LARGE1: variants seen among roughly 807,000 people sequenced by gnomAD.
LARGE1 encodes xylosyl- and glucuronyltransferase LARGE1.
A neutral mutation model predicts 87.6 loss-of-function variants in LARGE1; 43 were observed. That is an observed-to-expected ratio of 0.49 (90% confidence interval 0.38 to 0.63). The LOEUF is 0.63. Ranked by LOEUF, LARGE1 falls within the 30% of genes least tolerant of loss-of-function variation. The probability of loss-of-function intolerance (pLI) is 0.00; values close to 1 mark genes in which losing one functional copy is unlikely to be tolerated. For synonymous variants in LARGE1, 434 were observed against 394.6 expected (o/e 1.10, Z -1.18); for missense variants, 802 against 1,000.2 (o/e 0.80, Z 2.67).
At chr22:33,217,390 A>G (rs1015419602) in intron 11 of LARGE1, among the ~76,000 whole-genome samples, 2 of 152,166 alleles carry the variant, frequency 1.3e-5, no homozygotes, top group African/African-American at 4.8e-5. Context: ...TGTATTACCA[A>G]GCCCTCCAGG....
At chr22:33,863,458 T>C (rs2063991665) in intron 1 of LARGE1, among the ~76,000 whole-genome samples, 1 of 152,072 alleles carries the variant, frequency 6.6e-6, no homozygotes, top group Non-Finnish European at 1.5e-5. Context: ...AGGTAAACTT[T>C]ATTAGAAATA....
intron 11 of LARGE1, among the ~76,000 whole-genome samples, chr22:33,260,901 C>T (rs1927590350): frequency 6.6e-6 from 1 of 152,186 alleles, no homozygotes; most frequent in South Asian, 2.1e-4. Flanking sequence ...CTCTCTCTTG[C>T]TGATGGCTCA....
At chr22:33,735,802 C>T (rs995918874) in intron 2 of LARGE1, among the ~76,000 whole-genome samples, 1 of 152,196 alleles carries the variant, frequency 6.6e-6, no homozygotes, top group Non-Finnish European at 1.5e-5. Context: ...ATATTCCCGC[C>T]TTCCTCAAAC....
At chr22:33,368,425 T>C (rs2064675355) in intron 9 of LARGE1, among the ~76,000 whole-genome samples, 1 of 151,612 alleles carries the variant, frequency 6.6e-6, no homozygotes, top group African/African-American at 2.4e-5. Context: ...TCCTAGCTAC[T>C]TGCGAGGCTG....
At chr22:33,699,062 C>T (rs1033559417) in intron 2 of LARGE1, among the ~76,000 whole-genome samples, 1 of 152,200 alleles carries the variant, frequency 6.6e-6, no homozygotes, top group Admixed American at 6.5e-5. Context: ...GCTGACCTCC[C>T]AAAGCTGACC....
chr22:33,720,503 C>T (rs1412835324), intron 2 of LARGE1, among the ~76,000 whole-genome samples: 1 of 152,162 alleles, frequency 6.6e-6, no homozygotes, highest in Non-Finnish European at 1.5e-5. Flanking sequence ...ATTTATATAA[C>T]AACAAAATTG....
At chr22:33,484,134 T>C (rs975293534) in intron 6 of LARGE1, among the ~76,000 whole-genome samples, 15 of 152,216 alleles carry the variant, frequency 9.9e-5, no homozygotes, top group Admixed American at 9.8e-4. Context: ...AACAGACACC[T>C]TGGGGAAGAG....
At chr22:33,823,581 T>A (rs1322961337) in intron 1 of LARGE1, among the ~76,000 whole-genome samples, 1 of 152,128 alleles carries the variant, frequency 6.6e-6, no homozygotes, top group Non-Finnish European at 1.5e-5. Flanking sequence ...CTCAGATAGG[T>A]CCGACGACAT....
At chr22:33,487,593 G>C (rs1158795685) in intron 6 of LARGE1, among the ~76,000 whole-genome samples, 4 of 152,204 alleles carry the variant, frequency 2.6e-5, no homozygotes, top group Non-Finnish European at 5.9e-5. Flanking sequence ...CGCAGGGTCA[G>C]TAGACTTACT....
Position 33,761,471 on chromosome 22 carries a change from C to T in LARGE1, c.6G>A (p.Leu2=), listed in dbSNP as rs2084727321. The part of the protein sequence containing the change: M[L]GICRGRRKFL... ...ATTTCCGTCTCCCCCTGCAGATTCC[C>T]AGCATCCTCTCAGAAGTGGCAATCC... The change falls in exon 2 of 15, where the codon CTG becomes CTA. Residue 2 remains leucine (L), a synonymous_variant. Coordinates refer to ENST00000397394, the MANE Select transcript of LARGE1 (RefSeq NM_133642.5). 1.2e-6 allele frequency: 2 copies of T among 1,613,622 alleles called. No homozygotes were observed. Among genetic ancestry groups the T allele is most frequent in the Non-Finnish European group, 1.7e-6 (2 of 1,179,628 alleles).
intron 5 of LARGE1, among the ~76,000 whole-genome samples, chr22:33,603,090 G>T (rs80219863): frequency 0.083 from 2 of 24 alleles, no homozygotes; most frequent in Admixed American, 0.33. Flanking sequence ...AGAATAGATT[G>T]GGAATGGCAC....
chr22:33,732,539 G>A (rs368228413), intron 2 of LARGE1: 10 of 152,384 alleles, frequency 6.6e-5, no homozygotes, highest in African/African-American at 2.4e-4. Context: ...AGAATATGAG[G>A]CCTCCTCTCC....
intron 2 of LARGE1, among the ~76,000 whole-genome samples, chr22:33,754,537 C>T (rs573232025): frequency 8.6e-5 from 13 of 151,984 alleles, no homozygotes; most frequent in Admixed American, 5.2e-4. Flanking sequence ...GGGGTTTCAC[C>T]GTATTCGCCA....
chr22:33,831,160 C>T (rs1326615362), intron 1 of LARGE1, among the ~76,000 whole-genome samples: 2 of 147,888 alleles, frequency 1.4e-5, no homozygotes, highest in East Asian at 2.0e-4. Context: ...TGCAGTGGCA[C>T]GATCTCGGTT....
chr22:33,810,462 T>A (rs953852501), intron 1 of LARGE1, among the ~76,000 whole-genome samples: 1 of 152,192 alleles, frequency 6.6e-6, no homozygotes, highest in Non-Finnish European at 1.5e-5. Flanking sequence ...TTCACAAATA[T>A]CAGCTCTTCA....
At chr22:33,802,277 G>A (rs1384624944) in intron 1 of LARGE1, among the ~76,000 whole-genome samples, 1 of 152,208 alleles carries the variant, frequency 6.6e-6, no homozygotes, top group Non-Finnish European at 1.5e-5. Flanking sequence ...GCTCAGAACA[G>A]CAAGGGAAGC....
At chr22:33,504,913 T>C (rs1181087481) in intron 6 of LARGE1, among the ~76,000 whole-genome samples, 2 of 152,234 alleles carry the variant, frequency 1.3e-5, no homozygotes, top group Admixed American at 6.5e-5. Flanking sequence ...GCAAGCACTG[T>C]ATTGCTAAAG....
At chr22:33,853,109 G>T (rs1050002591) in intron 1 of LARGE1, among the ~76,000 whole-genome samples, 12 of 152,006 alleles carry the variant, frequency 7.9e-5, no homozygotes, top group Non-Finnish European at 1.6e-4. Context: ...AATCCAAAGG[G>T]AAATCAGCAC....
At chr22:33,099,575 G>T in the LARGE1 span, among the ~76,000 whole-genome samples, 1 of 152,132 alleles carries the variant, frequency 6.6e-6, no homozygotes, top group Non-Finnish European at 1.5e-5. Flanking sequence ...AAAATAAGAA[G>T]GTGGGCAAGG....
Sources: gnomAD v4.1 joint callset for allele counts (sites outside exome capture counted in the v4.1 genomes callset) on GRCh38, gnomAD v4.1.1 for gene constraint, MANE v1.5 for transcripts, NCBI Gene and HGNC (gene_info 2026-07-23, HGNC 2026-07-21) for gene names.